Variants in CYFIP2 observed in about 807,000 individuals in gnomAD.
The protein encoded by CYFIP2 is cytoplasmic FMR1-interacting protein 2.
In CYFIP2, 29 loss-of-function variants were observed where a neutral mutation model predicts 158.7. That is an observed-to-expected ratio of 0.18 (90% CI 0.14 to 0.25). The LOEUF (loss-of-function observed/expected upper bound fraction) is 0.25. CYFIP2 is among the 10% of genes least tolerant of loss of function. The pLI is 1.00. For missense variants in CYFIP2, 852 were observed against 1,639.5 expected (o/e 0.52, Z 8.29); for synonymous variants, 585 against 617.6 (o/e 0.95, Z 0.78).
intron 25 of CYFIP2, among the ~76,000 whole-genome samples, chr5:157,360,942 A>G (rs966826403): frequency 1.3e-5 from 2 of 152,212 alleles, no homozygotes; most frequent in African/African-American, 4.8e-5. Context: ...GTGATTCACA[A>G]TAGGAAAAAG....
At chr5:157,274,585 G>A (rs889298897) in intron 1 of CYFIP2, among the ~76,000 whole-genome samples, 1 of 152,296 alleles carries the variant, frequency 6.6e-6, no homozygotes, top group South Asian at 2.1e-4. Context: ...TTGGGTGTAT[G>A]CCTAGGAGTA....
At chr5:157,315,569 A>C (rs1356004680) in intron 13 of CYFIP2, among the ~76,000 whole-genome samples, 1 of 152,232 alleles carries the variant, frequency 6.6e-6, no homozygotes, top group Non-Finnish European at 1.5e-5. Context: ...CTATGAGAGC[A>C]ATCTGATTAT....
chr5:157,298,723 A>T (rs993217923), intron 5 of CYFIP2, among the ~76,000 whole-genome samples: 10 of 151,920 alleles, frequency 6.6e-5, no homozygotes, highest in African/African-American at 2.2e-4. Flanking sequence ...TAATACCTTC[A>T]TCTCCCCAGT....
chr5:157,373,886 C>T (rs372608847), intron 26 of CYFIP2, among the ~76,000 whole-genome samples: 25 of 152,016 alleles, frequency 1.6e-4, no homozygotes, highest in South Asian at 4.1e-4. Context: ...TTTTTGAAAG[C>T]GAACATAAAG....
At chr5:157,270,782 G>A (rs911371629) in intron 1 of CYFIP2, among the ~76,000 whole-genome samples, 1 of 152,192 alleles carries the variant, frequency 6.6e-6, no homozygotes, top group African/African-American at 2.4e-5. Flanking sequence ...CCTTAGAGAA[G>A]CATGATATTT....
chr5:157,307,767 G>T lies in CYFIP2; in HGVS notation c.802G>T (p.Gly268Cys). ...TGCCCTCTTCTCATTCTAGGTGATG[G>T]GCTTTGGCCTCTACCTAATGGATGG... ...SEKHMLLKVM[G>C]FGLYLMDGNV... Residue 268 changes from glycine (G) to cysteine (C), a missense_variant, in exon 9 of 31, where the codon GGC becomes TGC. Around this residue, in one of 8 missense-constraint regions of CYFIP2, gnomAD observed 133 missense variants for 197.1 expected, o/e 0.67. Transcript: ENST00000620254. The T allele has an allele frequency of 6.2e-7, 1 of 1,604,246 alleles. No individual in the cohort carries two copies. Among genetic ancestry groups the T allele is most frequent in the Non-Finnish European group, 8.5e-7 (1 of 1,172,906 alleles).
intron 6 of CYFIP2, among the ~76,000 whole-genome samples, chr5:157,301,404 T>A (rs184987165): frequency 6.6e-6 from 1 of 152,334 alleles, no homozygotes; most frequent in African/African-American, 2.4e-5. Context: ...TTCTCAGGTC[T>A]GTGGTGGCTT....
rs532579182 is a variant in CYFIP2, at chr5:157,361,199, A to G, written c.2909-269A>G. Among the ~76,000 whole-genome samples, 22 of 151,860 alleles carry G rather than the reference A, an allele frequency of 1.4e-4. No individual in the cohort carries two copies. The highest frequency in any genetic ancestry group is 3.9e-4 in the Admixed American group (6 of 15,292). On this transcript the variant is annotated intron_variant, in intron 25 of 30. Coordinates refer to ENST00000620254, the MANE Select transcript of CYFIP2 (RefSeq NM_001037333.3). This position sits in a 1 kb window ranked among gnomAD's most constrained non-coding sequence, Gnocchi z 4.4. ...CTTTGGAGGGACTGGGAAGGGTCCA[A>G]TGGTGCCTCATTTGTGTGCCTGTGT...
intron 26 of CYFIP2, among the ~76,000 whole-genome samples, chr5:157,381,751 T>C (rs1423921828): frequency 6.6e-6 from 1 of 151,694 alleles, no homozygotes; most frequent in Non-Finnish European, 1.5e-5. Context: ...ATGCCCGGGG[T>C]AGAAGAAGGC....
intron 13 of CYFIP2, 106 bp from the exon 14 acceptor site, chr5:157,319,656 C>A: frequency 7.1e-7 from 1 of 1,406,520 alleles, no homozygotes; most frequent in Non-Finnish European, 9.7e-7. Flanking sequence ...TGGCCTCATG[C>A]CTCTGGACAT....
At chr5:157,309,719 G>C in intron 9 of CYFIP2, 24 bp from the exon 10 acceptor site, 1 of 1,580,462 alleles carries the variant, frequency 6.3e-7, no homozygotes, top group East Asian at 2.3e-5. Context: ...AGCATCTCAC[G>C]AGCTGTGTTT....
chr5:157,383,756 C>G (rs1766366331), intron 28 of CYFIP2, among the ~76,000 whole-genome samples: 1 of 152,198 alleles, frequency 6.6e-6, no homozygotes. Context: ...GCTTATGTAA[C>G]ATTGTTTGTT....
At chr5:157,268,052 G>C (rs182569576) in intron 1 of CYFIP2, among the ~76,000 whole-genome samples, 2 of 152,256 alleles carry the variant, frequency 1.3e-5, no homozygotes, top group Non-Finnish European at 2.9e-5. Flanking sequence ...GTGTACACAG[G>C]GTTCCTCGTT....
intron 1 of CYFIP2, among the ~76,000 whole-genome samples, chr5:157,271,021 G>C (rs1245875805): frequency 1.3e-5 from 2 of 152,312 alleles, no homozygotes; most frequent in Non-Finnish European, 2.9e-5. Context: ...GTTAAAAACT[G>C]TGGACTCTAG....
At chr5:157,359,716 A>T (rs1763671572) in intron 24 of CYFIP2, among the ~76,000 whole-genome samples, 1 of 152,254 alleles carries the variant, frequency 6.6e-6, no homozygotes, top group African/African-American at 2.4e-5. Flanking sequence ...GCTGAAGGCC[A>T]AAACATTTAA....
intron 22 of CYFIP2, among the ~76,000 whole-genome samples, chr5:157,339,996 T>G (rs1304044463): frequency 3.3e-5 from 5 of 152,230 alleles, no homozygotes; most frequent in Non-Finnish European, 5.9e-5. Context: ...CATGATCAGA[T>G]TGTATGTTTG....
At chr5:157,289,060 C>T (rs556606240) in intron 3 of CYFIP2, among the ~76,000 whole-genome samples, 1 of 152,230 alleles carries the variant, frequency 6.6e-6, no homozygotes, top group South Asian at 2.1e-4. Flanking sequence ...TCATTATATC[C>T]ATTTTAGGGA....
chr5:157,347,155 A>G (rs1365378852), intron 23 of CYFIP2, among the ~76,000 whole-genome samples: 1 of 152,214 alleles, frequency 6.6e-6, no homozygotes, highest in African/African-American at 2.4e-5. Context: ...TCTGATTCAC[A>G]TTAATGATAA....
chr5:157,361,679 A>C lies in CYFIP2; in HGVS notation c.3039+81A>C, dbSNP rs1040526582. On this transcript the variant is annotated intron_variant, in intron 26 of 30. Coordinates refer to ENST00000620254, the MANE Select transcript of CYFIP2 (RefSeq NM_001037333.3). The surrounding 1 kb of genome is among the most constrained non-coding windows in gnomAD (Gnocchi z 4.4). ...CCCAAGCAGATATTGAGGCTCCTGCAGCATTGATTTGTGCTTTGAGTACAA... is the reference window on the plus strand; with the variant it reads ...CCCAAGCAGATATTGAGGCTCCTGCCGCATTGATTTGTGCTTTGAGTACAA... 7 of 1,558,826 alleles carry C rather than the reference A, an allele frequency of 4.5e-6. No homozygotes were observed. The African/African-American group carries it at 9.5e-5, about 21-fold the overall frequency.
Sources: allele counts gnomAD v4.1 joint callset (sites outside exome capture counted in the v4.1 genomes callset), GRCh38; gene constraint gnomAD v4.1.1; regional missense constraint gnomAD v4.1.1; non-coding constraint Gnocchi (gnomAD v3.1); transcripts MANE v1.5; gene names NCBI Gene and HGNC (gene_info 2026-07-23, HGNC 2026-07-21).